Variants in EYS observed in about 807,000 individuals in gnomAD.
EYS encodes protein eyes shut homolog.
Under a neutral mutation model 282.1 loss-of-function variants are expected in EYS, and 250 were observed. The ratio of observed to expected loss-of-function variants is 0.89; its 90% CI spans 0.80 to 0.98. The LOEUF (loss-of-function observed/expected upper bound fraction) is 0.98, where lower values mean the gene tolerates loss of function less well. Ranked by LOEUF, EYS falls within the 50% of genes least tolerant of loss-of-function variation. EYS has a pLI of 0.00. For synonymous variants in EYS, 1,355 were observed against 1,282.9 expected, an observed-to-expected ratio of 1.06 and a Z score of -1.20; for missense variants, 4,016 against 3,709.0, an observed-to-expected ratio of 1.08 and a Z score of -2.15.
chr6:65,322,296 C>T (rs1444316367), intron 11 of EYS, among the ~76,000 whole-genome samples: 2 of 152,004 alleles, frequency 1.3e-5, no homozygotes, highest in African/African-American at 4.8e-5. Context: ...GGTTTTAAGC[C>T]GAGGCATGAA....
At chr6:65,477,611 A>G (rs902796335) in intron 5 of EYS, among the ~76,000 whole-genome samples, 15 of 152,200 alleles carry the variant, frequency 9.9e-5, no homozygotes, top group African/African-American at 3.6e-4. Flanking sequence ...CAATTGACGC[A>G]TTCAATATTA....
At chr6:64,887,750 T>C (rs1767144966) in intron 18 of EYS, among the ~76,000 whole-genome samples, 1 of 152,066 alleles carries the variant, frequency 6.6e-6, no homozygotes, top group Non-Finnish European at 1.5e-5. Flanking sequence ...AAGTGTAAAT[T>C]AAACTAGAGC....
intron 12 of EYS, among the ~76,000 whole-genome samples, chr6:65,228,181 T>C (rs1157298682): frequency 6.6e-6 from 1 of 152,008 alleles, no homozygotes. Context: ...TCCATTTCCA[T>C]GCAACATCGT....
In EYS at chr6:64,619,797, C is replaced by T. The variant is rs571845350; in HGVS notation, c.3569-2264G>A. Among the ~76,000 whole-genome samples the T allele has an allele frequency of 2.6e-4, 40 of 152,116 alleles. 1 individual carries two copies. The South Asian group carries it at 8.1e-3, about 31-fold the overall frequency. On this transcript the variant is annotated intron_variant, in intron 23 of 42. Coordinates refer to ENST00000503581, the MANE Select transcript of EYS (RefSeq NM_001142800.2). ...TCAAGCAATCCTCTCACCTCAGCCC[C>T]CGGAGTACAGGATTACATTTTTGAA...
intron 22 of EYS, among the ~76,000 whole-genome samples, chr6:64,731,780 A>C (rs958458940): frequency 6.6e-6 from 1 of 152,218 alleles, no homozygotes; most frequent in Non-Finnish European, 1.5e-5. Flanking sequence ...AGAACCAGAA[A>C]TACCATTTGA....
Position 65,697,998 on chromosome 6 carries a change from G to A in EYS, c.-448+9137C>T, listed in dbSNP as rs140989863. On this transcript the variant is annotated intron_variant, in intron 1 of 42. Coordinates refer to ENST00000503581, the MANE Select transcript of EYS (RefSeq NM_001142800.2). ...TTCACAAAGAGTGGCTTAAAGACTT[G>A]CCTAGCTCATCAGCTTCCTATGAAA... Among the ~76,000 whole-genome samples the A allele has an allele frequency of 9.4e-3, 1,431 of 152,206 alleles. 8 individuals are homozygous for A. Among genetic ancestry groups the A allele is most frequent in the Non-Finnish European group, 0.016 (1,074 of 67,974 alleles).
At chr6:63,922,037 G>T (rs919686005) in intron 35 of EYS, among the ~76,000 whole-genome samples, 7 of 152,148 alleles carry the variant, frequency 4.6e-5, no homozygotes, top group Admixed American at 6.5e-5. Flanking sequence ...TACACACACA[G>T]CCTTCGAGGA....
At chr6:64,549,539 T>C (rs1646636598) in intron 26 of EYS, among the ~76,000 whole-genome samples, 1 of 152,192 alleles carries the variant, frequency 6.6e-6, no homozygotes, top group African/African-American at 2.4e-5. Flanking sequence ...GCAACAGTTA[T>C]ACACATTGTT....
intron 6 of EYS, among the ~76,000 whole-genome samples, chr6:65,404,504 T>C (rs956137827): frequency 2.0e-5 from 3 of 152,084 alleles, no homozygotes; most frequent in African/African-American, 7.2e-5. Flanking sequence ...GTATTATTGC[T>C]CTTTGCCCTT....
chr6:64,193,078 T>C (rs930984639), intron 31 of EYS, among the ~76,000 whole-genome samples: 8 of 152,220 alleles, frequency 5.3e-5, no homozygotes, highest in African/African-American at 1.9e-4. Flanking sequence ...TTGTTTTACT[T>C]ATTTAAGTGT....
rs964934640 is a variant in EYS, at chr6:64,661,947, G to A, written c.3444-35702C>T. 6.6e-5 allele frequency among the ~76,000 whole-genome samples: 10 copies of A among 150,858 alleles called. No homozygotes were observed. The South Asian group carries it at 8.5e-4, about 13-fold the overall frequency. ...ACACATGCACACGTATGTTTATTGC[G>A]GCACTATTCACAATAGCAAAGACTT... On this transcript the variant is annotated intron_variant, in intron 22 of 42. Transcript: ENST00000503581.
Position 64,890,045 on chromosome 6 carries a change from G to GCCCC in EYS, c.2847-3207_2847-3204dup, listed in dbSNP as rs34002004. On this transcript the variant is annotated intron_variant, in intron 18 of 42. Transcript: ENST00000503581. ...CACCTGGAGGTATAGGCCTATAAAT[G>GCCCC]CCCCCCCCCCCCAAGGTGTGCCCAT... 1.8e-3 allele frequency among the ~76,000 whole-genome samples: 255 copies of GCCCC among 140,350 alleles called. 9 individuals carry two copies. Among genetic ancestry groups the GCCCC allele is most frequent in the African/African-American group, 7.0e-3 (241 of 34,210 alleles). The allele number at this position is 140,350 out of a possible 152,430, so 92.1% of individuals were successfully genotyped here.
chr6:65,693,185 T>G lies in EYS; in HGVS notation c.-448+13950A>C, dbSNP rs1227839719. ...ATTTTCCTTCCTTCTCTTTCTTTTC[T>G]TCTCTCTCCAGCCTTACTTCTGTTT... On this transcript the variant is annotated intron_variant, in intron 1 of 42. Transcript: ENST00000503581. 2.0e-5 allele frequency among the ~76,000 whole-genome samples: 3 copies of G among 149,736 alleles called. 1 individual carries two copies. The East Asian group carries it at 6.9e-4, about 34-fold the overall frequency.
intron 22 of EYS, among the ~76,000 whole-genome samples, chr6:64,739,750 C>T (rs182527732): frequency 1.2e-4 from 18 of 152,024 alleles, no homozygotes; most frequent in East Asian, 1.2e-3. Context: ...AAAACAATAC[C>T]GACATTCCTT....
intron 35 of EYS, among the ~76,000 whole-genome samples, chr6:63,912,286 C>A (rs1308216195): frequency 6.6e-6 from 1 of 152,054 alleles, no homozygotes; most frequent in Non-Finnish European, 1.5e-5. Context: ...GTTTAGTACT[C>A]AAATTTCTAG....
At chr6:63,973,200 C>A (rs969156085) in intron 35 of EYS, among the ~76,000 whole-genome samples, 1 of 152,132 alleles carries the variant, frequency 6.6e-6, no homozygotes, top group African/African-American at 2.4e-5. Flanking sequence ...TATTTCTCCA[C>A]ATCCTCTCCA....
chr6:65,626,329 AGAGTT>A (rs1766689926), intron 2 of EYS, among the ~76,000 whole-genome samples: 1 of 152,146 alleles, frequency 6.6e-6, no homozygotes, highest in Non-Finnish European at 1.5e-5. Context: ...GCCACTACCT[AGAGTT>A]TGCTTGAATT....
At chr6:64,052,482 C>A (rs577812355) in intron 33 of EYS, among the ~76,000 whole-genome samples, 1 of 152,150 alleles carries the variant, frequency 6.6e-6, no homozygotes, top group South Asian at 2.1e-4. Context: ...CTAAACTTTC[C>A]TGCATTTATG....
chr6:64,104,992 G>A (rs1181963508), intron 31 of EYS, among the ~76,000 whole-genome samples: 1 of 151,850 alleles, frequency 6.6e-6, no homozygotes, highest in Non-Finnish European at 1.5e-5. Flanking sequence ...ATAATTTTAT[G>A]TTTCTGAGGC....
Sources: allele counts gnomAD v4.1 joint callset (sites outside exome capture counted in the v4.1 genomes callset), GRCh38; gene constraint gnomAD v4.1.1; transcripts MANE v1.5; gene names NCBI Gene and HGNC (gene_info 2026-07-23, HGNC 2026-07-21).